Variants in IP6K2 observed in about 807,000 individuals in gnomAD.
The protein encoded by IP6K2 is inositol hexakisphosphate kinase 2.
A neutral mutation model predicts 43.3 loss-of-function variants in IP6K2; 9 were observed. The ratio of observed to expected loss-of-function variants is 0.21; its 90% CI spans 0.13 to 0.36. The LOEUF is 0.36. IP6K2 is among the 10% of genes least tolerant of loss of function. The pLI, the probability that IP6K2 is intolerant of heterozygous loss-of-function variation, is 1.00. For synonymous variants in IP6K2, 209 were observed against 202.4 expected, an observed-to-expected ratio of 1.03 and a Z score of -0.28; for missense variants, 332 against 538.4, an observed-to-expected ratio of 0.62 and a Z score of 3.79.
chr3:48,689,272 C>A (rs1178970210), intron 5 of IP6K2, among the ~76,000 whole-genome samples: 1 of 152,186 alleles, frequency 6.6e-6, no homozygotes, highest in Non-Finnish European at 1.5e-5. Flanking sequence ...CATGCCTCAG[C>A]CTCCCAAGTA....
Position 48,695,163 on chromosome 3 carries a change from G to A in IP6K2, c.129C>T (p.Pro43=), listed in dbSNP as rs1210339335. 3 of 1,606,834 alleles carry A rather than the reference G, an allele frequency of 1.9e-6. No individual in the cohort carries two copies. In the South Asian group the frequency reaches 3.3e-5, roughly 18 times the overall value. Residue 43 remains proline (P), a synonymous_variant, in exon 2 of 6, where the codon CCC becomes CCT. Transcript: ENST00000328631. This position sits in a 1 kb window ranked among gnomAD's most constrained non-coding sequence, Gnocchi z 4.6. ...AGAACTGATGTTCCCTTGGGACCAG[G>A]GGCTTGCACAGGGTTGTCTCATTGA... ...LRFNETTLCK[P]LVPREHQFYE...
chr3:48,713,211 G>A (rs1201843356), intron 1 of IP6K2, among the ~76,000 whole-genome samples: 5 of 152,204 alleles, frequency 3.3e-5, no homozygotes, highest in East Asian at 1.9e-4. Context: ...CATGAAAGCT[G>A]AGACAAGCTC....
At chr3:48,693,569 C>A in intron 2 of IP6K2, 1 of 1,188,934 alleles carries the variant, frequency 8.4e-7, no homozygotes, top group Non-Finnish European at 1.1e-6. Flanking sequence ...ACTCCAACAG[C>A]CTCATGGCTT....
intron 1 of IP6K2, among the ~76,000 whole-genome samples, chr3:48,712,907 G>A (rs13063223): frequency 0.13 from 20,195 of 151,914 alleles, 1,494 homozygotes; most frequent in African/African-American, 0.2. Flanking sequence ...CAGCTACTTA[G>A]GAGGCTGAGG....
rs556681934 is a variant in IP6K2, at chr3:48,692,977, G to A, written c.405C>T (p.His135=). The A allele has an allele frequency of 6.2e-7, 1 of 1,613,648 alleles. No individual in the cohort carries two copies. The highest frequency in any genetic ancestry group is 2.2e-5 in the East Asian group (1 of 44,890). ...EKTPKDWVRQ[H]RKEEKMKSHK... The stretch of plus-strand genomic sequence containing the variant: ...ACCTCTTCATTTTCTCCTCTTTACG[G>A]TGCTGACGCACCCAGTCCTTAGGGG... The change falls in exon 3 of 6, where the codon CAC becomes CAT. Residue 135 remains histidine (H), a synonymous_variant. Coordinates refer to ENST00000328631, the MANE Select transcript of IP6K2 (RefSeq NM_016291.4).
rs759636665 is a variant in IP6K2 at position 48,691,424 on chromosome 3, C to T, written c.487G>A (p.Val163Ile). Residue 163 changes from valine (V) to isoleucine (I), a missense_variant, in exon 4 of 6, where the codon GTA (valine) becomes ATA (isoleucine). Physicochemically the swap from Val to Ile is conservative, Grantham distance 29. Transcript: ENST00000328631. Reference protein sequence around the residue: ...LKKSEVLYYTVEKKGNISSQL... With the variant: ...LKKSEVLYYTIEKKGNISSQL... The stretch of plus-strand genomic sequence containing the variant: ...GAACTTATATTCCCCTTCTTCTCTA[C>T]AGTGTAGTACAAGACTTCAGATTTC... 4 of 1,613,194 alleles carry T rather than the reference C, an allele frequency of 2.5e-6. No homozygotes were observed. In the South Asian group the frequency reaches 3.3e-5, roughly 13 times the overall value.
At chr3:48,694,191 G>GA (rs1559515010) in intron 2 of IP6K2, 3 of 1,551,196 alleles carry the variant, frequency 1.9e-6, no homozygotes, top group Admixed American at 2.0e-5. Flanking sequence ...AGGACCAGGG[G>GA]AAAAAATGGG....
In IP6K2 at chr3:48,695,254, C is replaced by G; in HGVS notation, c.38G>C (p.Arg13Pro). The change falls in exon 2 of 6, where the codon CGC becomes CCC. Residue 13 changes from arginine (R) to proline (P), a missense_variant. Arg to Pro is a moderately radical substitution (Grantham distance 103). Transcript: ENST00000328631. The surrounding 1 kb of genome is among the most constrained non-coding windows in gnomAD (Gnocchi z 4.6). The part of the protein sequence containing the change: ...PAFRAMDVEP[R>P]AKGVLLEPFV... The stretch of plus-strand genomic sequence containing the variant: ...GGGCTCCAGAAGGACGCCTTTGGCG[C>G]GGGGCTCCACATCCATGGCCCTGAA... 1 of 1,583,428 alleles carries G rather than the reference C, an allele frequency of 6.3e-7. No homozygotes were observed. The highest frequency in any genetic ancestry group is 2.3e-5 in the East Asian group (1 of 44,370).
intron 1 of IP6K2, among the ~76,000 whole-genome samples, chr3:48,706,207 CA>C (rs1027172355): frequency 6.7e-6 from 1 of 149,424 alleles, no homozygotes; most frequent in African/African-American, 2.5e-5. Flanking sequence ...AACTCCATCT[CA>C]AAAAAAAAGA....
chr3:48,689,012 G>T (rs887024369), intron 5 of IP6K2, among the ~76,000 whole-genome samples: 3 of 152,246 alleles, frequency 2.0e-5, no homozygotes, highest in African/African-American at 7.2e-5. Context: ...TGGGTCACTG[G>T]AGAGGACCAA....
chr3:48,704,133 A>T (rs973661083), intron 1 of IP6K2, among the ~76,000 whole-genome samples: 1 of 152,188 alleles, frequency 6.6e-6, no homozygotes, highest in Non-Finnish European at 1.5e-5. Flanking sequence ...ACAATAAAAA[A>T]CTAAAAAGCA....
rs4858798 is a variant in IP6K2, at chr3:48,689,679, G to A, written c.639C>T (p.Tyr213=). The part of the protein sequence containing the change: ...FILLENLTSR[Y]EVPCVLDLKM... The stretch of plus-strand genomic sequence containing the variant: ...TGAGGTCAAGGACACAAGGCACCTC[G>A]TAGCGGGAAGTCAGGTTTTCCAGTA... Residue 213 remains tyrosine, a synonymous_variant, in exon 5 of 6, where the codon TAC becomes TAT. Coordinates refer to ENST00000328631, the MANE Select transcript of IP6K2 (RefSeq NM_016291.4). 0.67 allele frequency: 1,078,859 copies of A among 1,613,084 alleles called. 367,513 individuals are homozygous for A. The highest frequency in any genetic ancestry group is 0.96 in the East Asian group (43,017 of 44,872).
At chr3:48,692,886 G>A (rs2077924088) in intron 3 of IP6K2, 68 bp downstream of exon 3, 1 of 1,154,804 alleles carries the variant, frequency 8.7e-7, no homozygotes, top group Non-Finnish European at 1.3e-6. Context: ...CAGGGAACTG[G>A]GCTGTAACCA....
intron 1 of IP6K2, among the ~76,000 whole-genome samples, chr3:48,716,064 C>G (rs188953688): frequency 3.7e-4 from 56 of 152,254 alleles, no homozygotes; most frequent in Non-Finnish European, 5.9e-5. Context: ...AAATACTTAA[C>G]ACCCAAGTTA....
chr3:48,711,155 C>T (rs9877685), intron 1 of IP6K2, among the ~76,000 whole-genome samples: 20,258 of 152,130 alleles, frequency 0.13, 1,501 homozygotes, highest in African/African-American at 0.2. Flanking sequence ...AAATGATCCG[C>T]CTACCTCAGC....
intron 1 of IP6K2, among the ~76,000 whole-genome samples, chr3:48,707,068 T>G (rs1028009143): frequency 6.6e-6 from 1 of 152,224 alleles, no homozygotes; most frequent in East Asian, 1.9e-4. Flanking sequence ...TATTATTTTA[T>G]ATAAGCTTCA....
In IP6K2 at chr3:48,693,165, G is replaced by A. The variant is rs375195624; in HGVS notation, c.217C>T (p.Arg73Cys). Residue 73 changes from arginine (R) to cysteine (C), a missense_variant, in exon 3 of 6, where the codon CGC becomes TGC. Transcript: ENST00000328631. ...TPQYKGVVSV[R>C]FEEDEDRNLC... ...TTCCTGTCTTCATCTTCTTCAAAGC[G>A]CACAGATACCACACCTGGAAGGGGG... is the stretch of plus-strand genomic sequence containing the variant. 34 of 1,613,716 alleles carry A rather than the reference G, an allele frequency of 2.1e-5. No homozygotes were observed. Among genetic ancestry groups the A allele is most frequent in the East Asian group, 2.0e-4 (9 of 44,886 alleles).
chr3:48,711,584 G>A (rs1008907947), intron 1 of IP6K2: 10 of 152,140 alleles, frequency 6.6e-5, no homozygotes, highest in African/African-American at 2.4e-4. Flanking sequence ...GCACTTGCCT[G>A]GAAGAACAGA....
intron 1 of IP6K2, among the ~76,000 whole-genome samples, chr3:48,698,798 G>A (rs746193191): frequency 1.3e-5 from 2 of 152,106 alleles, no homozygotes; most frequent in Non-Finnish European, 2.9e-5. Flanking sequence ...ACTCAGCTAG[G>A]TGTAGTGGTG....
Sources: gnomAD v4.1 joint callset for allele counts (sites outside exome capture counted in the v4.1 genomes callset) on GRCh38, gnomAD v4.1.1 for gene constraint, Gnocchi (gnomAD v3.1) non-coding constraint, MANE v1.5 for transcripts, NCBI Gene and HGNC (gene_info 2026-07-23, HGNC 2026-07-21) for gene names.